PARP16: variants seen among roughly 807,000 people sequenced by gnomAD.
The protein encoded by PARP16 is poly(ADP-ribose) polymerase family member 16.
Under a neutral mutation model 35.0 loss-of-function variants are expected in PARP16, and 31 were observed. That is an observed-to-expected ratio of 0.88 (90% confidence interval 0.66 to 1.19). PARP16 has a LOEUF of 1.19. Ranked by LOEUF, PARP16 falls within the 50% of genes most tolerant of loss-of-function variation. The pLI is 0.00. For synonymous variants in PARP16, 162 were observed against 169.5 expected, an observed-to-expected ratio of 0.96 and a Z score of 0.34; for missense variants, 424 against 411.2, an observed-to-expected ratio of 1.03 and a Z score of -0.27.
chr15:65,275,098 C>A (rs8032837), intron 1 of PARP16, among the ~76,000 whole-genome samples: 60,848 of 151,132 alleles, frequency 0.4, 13,880 homozygotes, highest in East Asian at 0.86. Flanking sequence ...CTGGGTGACA[C>A]AGCGAGACCC....
At chr15:65,248,313 T>C (rs953549239) in intron 2 of PARP16, 15 of 456,132 alleles carry the variant, frequency 3.3e-5, no homozygotes, top group Non-Finnish European at 4.9e-5. Flanking sequence ...AGTGAATGAA[T>C]GCTTCTGCAC....
intron 2 of PARP16, among the ~76,000 whole-genome samples, chr15:65,267,740 G>A (rs1403713316): frequency 6.8e-5 from 8 of 117,396 alleles, no homozygotes; most frequent in Non-Finnish European, 1.1e-4. Context: ...AGGCTGGAGT[G>A]CAGTGACGCC....
intron 2 of PARP16, among the ~76,000 whole-genome samples, chr15:65,250,863 C>A (rs2089341169): frequency 6.6e-6 from 1 of 152,066 alleles, no homozygotes; most frequent in Admixed American, 6.6e-5. Context: ...GTGTGTTTTT[C>A]CCATCTCTTA....
At chr15:65,240,053 T>G (rs2140728938) in intron 3 of PARP16, among the ~76,000 whole-genome samples, 1 of 146,440 alleles carries the variant, frequency 6.8e-6, no homozygotes, top group South Asian at 2.2e-4. Context: ...AGCCTTGACC[T>G]CCTGGGCTCA....
intron 2 of PARP16, among the ~76,000 whole-genome samples, chr15:65,251,573 G>A (rs1187486476): frequency 6.6e-6 from 1 of 152,058 alleles, no homozygotes; most frequent in South Asian, 2.1e-4. Context: ...TCACATTCAG[G>A]ACCACTGAAA....
intron 1 of PARP16, among the ~76,000 whole-genome samples, chr15:65,277,072 C>T (rs938869594): frequency 6.6e-5 from 10 of 152,028 alleles, no homozygotes; most frequent in East Asian, 1.9e-4. Flanking sequence ...AATAATCTTA[C>T]CCTTAATAAG....
chr15:65,261,091 T>C (rs891764807), intron 4 of PARP16, 65 bp from the exon 5 acceptor site: 6 of 1,516,386 alleles, frequency 4.0e-6, no homozygotes, highest in African/African-American at 2.7e-5. Flanking sequence ...ACATTATAAA[T>C]AGAAATAAGT....
downstream of PARP16, among the ~76,000 whole-genome samples, chr15:65,257,797 C>G (rs2089561414): frequency 6.6e-6 from 1 of 152,132 alleles, no homozygotes; most frequent in Admixed American, 6.5e-5. Context: ...CATAAACTCC[C>G]AACCTCACTC....
At chr15:65,235,169 T>C (rs2088842959) in intron 3 of PARP16, among the ~76,000 whole-genome samples, 3 of 149,638 alleles carry the variant, frequency 2.0e-5, no homozygotes, top group Non-Finnish European at 4.4e-5. Context: ...TAGCCGGGCG[T>C]AGTGGTGGGC....
chr15:65,261,036 G>C lies in PARP16; in HGVS notation c.692-10C>G. 1 of 1,612,554 alleles carries C rather than the reference G, an allele frequency of 6.2e-7. No homozygotes were observed. The highest frequency in any genetic ancestry group is 8.5e-7 in the Non-Finnish European group (1 of 1,178,994). ...TCTATCTCCTTGGAATCTGAATAAGGAGAGTAAAACACATCTTCACTGGGG... is the reference window on the plus strand; with the variant it reads ...TCTATCTCCTTGGAATCTGAATAAGCAGAGTAAAACACATCTTCACTGGGG... On this transcript the variant is annotated splice_polypyrimidine_tract_variant and intron_variant, in intron 4 of 5. Transcript: ENST00000649807.
Position 65,269,175 on chromosome 15 carries a change from T to TC in PARP16, c.312+1759_312+1760insG, listed in dbSNP as rs59115451. ...CACACCTGGCCCATTTTAGTCGGTT[T>TC]TTTTCTTTCTTTCTTTCTTTCTTTC... On this transcript the variant is annotated intron_variant, in intron 2 of 5. Coordinates refer to ENST00000649807, the MANE Select transcript of PARP16 (RefSeq NM_001316943.2). Among the ~76,000 whole-genome samples the TC allele has an allele frequency of 1.9e-3, 272 of 142,256 alleles. 6 individuals are homozygous for TC. The East Asian group carries it at 0.052, about 27-fold the overall frequency. 93.3% of individuals were successfully genotyped at this position (142,256 alleles called of 152,430 possible).
intron 1 of PARP16, among the ~76,000 whole-genome samples, chr15:65,283,146 C>G (rs767027867): frequency 2.0e-5 from 3 of 152,104 alleles, no homozygotes; most frequent in Non-Finnish European, 4.4e-5. Context: ...AAAATTAAAG[C>G]TGCACTGTGG....
At chr15:65,262,134 C>CT (rs958810685) in intron 4 of PARP16, among the ~76,000 whole-genome samples, 11,039 of 132,196 alleles carry the variant, frequency 0.084, 589 homozygotes, top group Admixed American at 0.16. Flanking sequence ...TTTTTTCTTT[C>CT]TTTTTTTTTT....
chr15:65,246,912 T>C (rs188698839), intron 3 of PARP16, among the ~76,000 whole-genome samples: 3 of 152,306 alleles, frequency 2.0e-5, no homozygotes, highest in East Asian at 3.9e-4. Context: ...ATTTGTAAGA[T>C]ATGAAAGCTG....
chr15:65,262,542 G>A lies in PARP16; in HGVS notation c.691+607C>T, dbSNP rs150662949. ...CAAGGCAAATAGTCTCAGGGACACA[G>A]TAGGGGAGTGGGATGAGGTAGCCAG... is the stretch of plus-strand genomic sequence containing the variant. On this transcript the variant is annotated intron_variant, in intron 4 of 5. Coordinates refer to ENST00000649807, the MANE Select transcript of PARP16 (RefSeq NM_001316943.2). Among the ~76,000 whole-genome samples, 332 of 152,296 alleles carry A rather than the reference G, an allele frequency of 2.2e-3. 1 individual carries two copies. The highest frequency in any genetic ancestry group is 7.1e-3 in the African/African-American group (296 of 41,546).
At chr15:65,235,016 G>C (rs886549714) in intron 3 of PARP16, among the ~76,000 whole-genome samples, 2 of 152,064 alleles carry the variant, frequency 1.3e-5, no homozygotes, top group African/African-American at 2.4e-5. Flanking sequence ...GTGGGGGAGA[G>C]GGATAGCATT....
chr15:65,270,800 G>T, intron 2 of PARP16, 135 bp downstream of exon 2: 2 of 820,554 alleles, frequency 2.4e-6, no homozygotes, highest in Non-Finnish European at 4.0e-6. Flanking sequence ...AAGTCTAAAG[G>T]TGAGGACCAG....
intron 1 of PARP16, chr15:65,285,620 T>C: frequency 4.9e-6 from 1 of 205,916 alleles, no homozygotes. Context: ...TATCAGCTAT[T>C]GGCGATTTCA....
Position 65,271,068 on chromosome 15 carries a change from G to A in PARP16, c.179C>T (p.Ala60Val), listed in dbSNP as rs1313553422. The A allele has an allele frequency of 1.9e-6, 3 of 1,613,894 alleles. No homozygotes were observed. The highest frequency in any genetic ancestry group is 2.5e-6 in the Non-Finnish European group (3 of 1,179,922). ...CAGGTTAGGTAACTTGCTGGCATCT[G>A]CAAGCTGAAGCGACGGAAGAACTTC... ...GDCKDFEALLADASKLPNLKE... is the reference protein window; with the variant it reads ...GDCKDFEALLVDASKLPNLKE... Residue 60 changes from alanine (A) to valine (V), a missense_variant, in exon 2 of 6, where the codon GCA (alanine) becomes GTA (valine). Transcript: ENST00000649807.
Sources: gnomAD v4.1 joint callset for allele counts (sites outside exome capture counted in the v4.1 genomes callset) on GRCh38, gnomAD v4.1.1 for gene constraint, MANE v1.5 for transcripts, NCBI Gene and HGNC (gene_info 2026-07-23, HGNC 2026-07-21) for gene names.